The following DLGAP2 variants were observed in gnomAD, a reference collection of about 807,000 sequenced individuals.
DLGAP2 encodes DLG associated protein 2.
Under a neutral mutation model 100.3 loss-of-function variants are expected in DLGAP2, and 26 were observed. That is an observed-to-expected ratio of 0.26 (90% CI 0.19 to 0.36). DLGAP2 has a LOEUF of 0.36. Ranked by LOEUF, DLGAP2 falls within the 10% of genes least tolerant of loss-of-function variation. DLGAP2 has a pLI of 1.00. For missense variants in DLGAP2, 1,858 were observed against 1,453.2 expected (o/e 1.28, Z -4.53); for synonymous variants, 886 against 630.1 (o/e 1.41, Z -6.08).
At chr8:1,635,316 A>G (rs1229728921) in intron 8 of DLGAP2, among the ~76,000 whole-genome samples, 3 of 152,244 alleles carry the variant, frequency 2.0e-5, no homozygotes, top group Non-Finnish European at 2.9e-5. Context: ...TACGGGATGT[A>G]GGTGCCTCGA....
chr8:1,101,911 AG>A (rs953725922), intron 2 of DLGAP2, among the ~76,000 whole-genome samples: 1 of 152,040 alleles, frequency 6.6e-6, no homozygotes. Flanking sequence ...GATGATGGGA[AG>A]GTCCTTGTCA....
intron 3 of DLGAP2, among the ~76,000 whole-genome samples, chr8:1,432,513 G>A (rs1797481185): frequency 6.6e-6 from 1 of 152,246 alleles, no homozygotes; most frequent in African/African-American, 2.4e-5. Context: ...TGAAATTGTT[G>A]ACTGGGGAGA....
chr8:880,006 C>G lies in DLGAP2; in HGVS notation c.19-27906C>G, dbSNP rs557343616. ...TTGATCTCAGCAACCAGTGGGTGCC[C>G]TTGTTTTGTGTAAGAAATGTAGAGG... On this transcript the variant is annotated intron_variant, in intron 1 of 14. Transcript: ENST00000637795. 1.7e-3 allele frequency among the ~76,000 whole-genome samples: 260 copies of G among 152,282 alleles called. 1 individual carries two copies. The highest frequency in any genetic ancestry group is 6.1e-3 in the African/African-American group (252 of 41,544).
chr8:1,188,491 C>A (rs1315288726), intron 2 of DLGAP2, among the ~76,000 whole-genome samples: 1 of 122,884 alleles, frequency 8.1e-6, no homozygotes, highest in African/African-American at 5.8e-5. Context: ...GTGACGTTTC[C>A]CTCACGGAAT....
At chr8:1,247,874 C>T (rs192570065) in intron 2 of DLGAP2, among the ~76,000 whole-genome samples, 1 of 5,124 alleles carries the variant, frequency 2.0e-4, no homozygotes, top group East Asian at 1.4e-3. Context: ...TGATGGCCCA[C>T]GTCGGTGGCC....
chr8:1,447,880 GTTTGTAGTAT>G (rs1798025998), intron 3 of DLGAP2, among the ~76,000 whole-genome samples: 1 of 152,208 alleles, frequency 6.6e-6, no homozygotes, highest in Non-Finnish European at 1.5e-5. Context: ...ACGTAGAGGT[GTTTGTAGTAT>G]TCTCTGATGG....
chr8:810,227 C>T (rs1796347118), intron 1 of DLGAP2, among the ~76,000 whole-genome samples: 1 of 152,188 alleles, frequency 6.6e-6, no homozygotes, highest in South Asian at 2.1e-4. Context: ...AGCTTTCCTC[C>T]GTCTTTTAAT....
In DLGAP2 at chr8:1,343,063, A is replaced by G. The variant is rs540782862; in HGVS notation, c.106+84180A>G. On this transcript the variant is annotated intron_variant, in intron 3 of 14. Transcript: ENST00000637795. Reference sequence around the variant, plus strand: ...CTGTACTTTTTGTTCATATTTTCACAAACCGGAGACACAAACACTGGCCAG... The same window carrying G: ...CTGTACTTTTTGTTCATATTTTCACGAACCGGAGACACAAACACTGGCCAG... Among the ~76,000 whole-genome samples the G allele has an allele frequency of 5.9e-5, 9 of 152,302 alleles. No individual in the cohort carries two copies. In the East Asian group the frequency reaches 9.6e-4, roughly 16 times the overall value.
intron 3 of DLGAP2, among the ~76,000 whole-genome samples, chr8:1,276,327 G>C (rs1268595230): frequency 6.6e-6 from 1 of 151,828 alleles, no homozygotes; most frequent in Non-Finnish European, 1.5e-5. Flanking sequence ...TAGTGTCTTG[G>C]ACTGACACAT....
intron 1 of DLGAP2, among the ~76,000 whole-genome samples, chr8:852,477 T>C (rs775315726): frequency 9.8e-5 from 15 of 152,358 alleles, no homozygotes; most frequent in Admixed American, 2.0e-4. Flanking sequence ...CAGCTGTAAA[T>C]TGTAATGAAT....
chr8:1,210,155 C>T (rs796755452), intron 2 of DLGAP2, among the ~76,000 whole-genome samples: 6 of 152,220 alleles, frequency 3.9e-5, no homozygotes, highest in African/African-American at 1.2e-4. Flanking sequence ...CGTCACCCCC[C>T]AGGTTCCAGG....
chr8:1,476,090 C>T (rs1465740945), intron 3 of DLGAP2, among the ~76,000 whole-genome samples: 1 of 152,160 alleles, frequency 6.6e-6, no homozygotes, highest in Non-Finnish European at 1.5e-5. Flanking sequence ...ATAGGGCGTA[C>T]AGTAACCAGT....
chr8:1,055,413 G>C (rs1361376815), intron 2 of DLGAP2, among the ~76,000 whole-genome samples: 1 of 152,118 alleles, frequency 6.6e-6, no homozygotes, highest in Non-Finnish European at 1.5e-5. Context: ...AAATATTAAT[G>C]TAATAAGATA....
intron 1 of DLGAP2, among the ~76,000 whole-genome samples, chr8:757,902 C>T (rs531057826): frequency 9.2e-5 from 14 of 152,298 alleles, no homozygotes; most frequent in African/African-American, 3.1e-4. Flanking sequence ...CTTGTCTCCT[C>T]GTTTCCCACC....
Position 1,691,527 on chromosome 8 carries a change from T to G in DLGAP2, c.2705-8T>G, listed in dbSNP as rs1799259944. On this transcript the variant is annotated splice_polypyrimidine_tract_variant and splice_region_variant and intron_variant, in intron 12 of 14. Coordinates refer to ENST00000637795, the MANE Select transcript of DLGAP2 (RefSeq NM_001346810.2). ...TTGTTTTTTTGTTTTTGTTTTTGTT[T>G]TAAACAGTTCTCGGTAAAATCAGGA... The G allele has an allele frequency of 6.2e-7, 1 of 1,609,708 alleles. No homozygotes were observed. Among genetic ancestry groups the G allele is most frequent in the Non-Finnish European group, 8.5e-7 (1 of 1,178,718 alleles).
chr8:1,154,825 G>C lies in DLGAP2; in HGVS notation c.74-104026G>C, dbSNP rs142661908. Among the ~76,000 whole-genome samples, 24 of 152,278 alleles carry C rather than the reference G, an allele frequency of 1.6e-4. No homozygotes were observed. The East Asian group carries it at 4.6e-3, about 29-fold the overall frequency. On this transcript the variant is annotated intron_variant, in intron 2 of 14. Transcript: ENST00000637795. ...AAGACTGTGGGCCTGACAAAGGCCC[G>C]GGGTGCCTTGGAGTTAGGATTTCAG...
intron 1 of DLGAP2, among the ~76,000 whole-genome samples, chr8:855,355 T>C (rs1487287869): frequency 6.6e-6 from 1 of 152,188 alleles, no homozygotes; most frequent in African/African-American, 2.4e-5. Context: ...GCGTTCTCTG[T>C]GCTCCCCACT....
intron 4 of DLGAP2, among the ~76,000 whole-genome samples, chr8:1,510,905 C>G (rs923548374): frequency 6.6e-6 from 1 of 152,194 alleles, no homozygotes; most frequent in Non-Finnish European, 1.5e-5. Flanking sequence ...TTGGAGTAAA[C>G]CTAGAAGGAA....
Position 1,508,800 on chromosome 8 carries a change from C to T in DLGAP2, c.172+7369C>T, listed in dbSNP as rs562443041. Among the ~76,000 whole-genome samples, 4 of 151,726 alleles carry T rather than the reference C, an allele frequency of 2.6e-5. No individual in the cohort carries two copies. In the East Asian group the frequency reaches 8.1e-4, roughly 31 times the overall value. On this transcript the variant is annotated intron_variant, in intron 4 of 14. Transcript: ENST00000637795. ...AGCAGGCAAATGAGTGCGGACTAAG[C>T]GCCCGGGGAAGACGGGGAAGACGGG...
Sources: allele counts gnomAD v4.1 joint callset (sites outside exome capture counted in the v4.1 genomes callset), GRCh38; gene constraint gnomAD v4.1.1; transcripts MANE v1.5; gene names NCBI Gene and HGNC (gene_info 2026-07-23, HGNC 2026-07-21).